The following NUP210 variants were observed in gnomAD, a reference collection of about 807,000 sequenced individuals.
NUP210 encodes the protein nuclear pore membrane glycoprotein 210.
A neutral mutation model predicts 196.0 loss-of-function variants in NUP210; 151 were observed. The ratio of observed to expected loss-of-function variants is 0.77; its 90% confidence interval spans 0.67 to 0.88. The LOEUF (loss-of-function observed/expected upper bound fraction) is 0.88. Ranked by LOEUF, NUP210 falls within the 40% of genes least tolerant of loss-of-function variation. The probability of loss-of-function intolerance (pLI) is 0.00; values close to 1 mark genes in which losing one functional copy is unlikely to be tolerated. For missense variants in NUP210, 2,314 were observed against 2,493.7 expected (o/e 0.93, Z 1.53); for synonymous variants, 1,070 against 1,052.7 (o/e 1.02, Z -0.32).
chr3:13,336,956 C>A, intron 26 of NUP210, 38 bp from the exon 27 acceptor site: 1 of 1,610,526 alleles, frequency 6.2e-7, no homozygotes, highest in Non-Finnish European at 8.5e-7. Context: ...GCAGTAGCTC[C>A]CAGCACTGGG....
chr3:13,321,721 G>A lies in NUP210; in HGVS notation c.5030C>T (p.Ser1677Phe), dbSNP rs758009395. The A allele has an allele frequency of 6.2e-7, 1 of 1,614,124 alleles. No individual in the cohort carries two copies. The change falls in exon 36 of 40, where the codon TCC (serine) becomes TTC (phenylalanine). Residue 1677 changes from serine to phenylalanine, a missense_variant. Ser to Phe is a radical substitution (Grantham distance 155). Transcript: ENST00000254508. Reference protein sequence around the residue: ...VSASLSSSHFSTEQVGAEVPF... With the variant: ...VSASLSSSHFFTEQVGAEVPF... ...CACCTCGGCCCCCACCTGCTCTGTGGAGAAGTGGCTGCTGGAGAGGGAGGC... is the reference window on the plus strand; with the variant it reads ...CACCTCGGCCCCCACCTGCTCTGTGAAGAAGTGGCTGCTGGAGAGGGAGGC...
intron 6 of NUP210, among the ~76,000 whole-genome samples, chr3:13,383,924 T>G: frequency 6.6e-6 from 1 of 152,052 alleles, no homozygotes; most frequent in East Asian, 1.9e-4. Flanking sequence ...CCCATGCAAA[T>G]GGACCACCTC....
rs554990047 is a variant in NUP210, at chr3:13,337,907, T to C, written c.3482A>G (p.Gln1161Arg). The C allele has an allele frequency of 5.0e-6, 8 of 1,612,678 alleles. No homozygotes were observed. The highest frequency in any genetic ancestry group is 6.8e-6 in the Non-Finnish European group (8 of 1,179,830). ...KVVIISQDLV[Q>R]VEVLLLRAVR... ...GGCCCTTAGCAGCAGCACCTCCACC[T>C]GCACGAGGTCCTGGGGAAACAGGGT... The change falls in exon 26 of 40, where the codon CAG becomes CGG. Residue 1161 changes from glutamine to arginine, a missense_variant. Gln to Arg is a conservative substitution (Grantham distance 43). Transcript: ENST00000254508.
chr3:13,396,994 G>A (rs915885092), intron 3 of NUP210, among the ~76,000 whole-genome samples: 1 of 152,056 alleles, frequency 6.6e-6, no homozygotes. Context: ...GCCTCCCATC[G>A]CTGCCAAGAA....
intron 26 of NUP210, chr3:13,337,172 A>C: frequency 2.5e-6 from 1 of 397,196 alleles, no homozygotes; most frequent in Non-Finnish European, 4.8e-6. Flanking sequence ...TTCCGGAAGG[A>C]GTCCCTGGAG....
In NUP210 at chr3:13,331,735, C is replaced by T. The variant is rs192217758; in HGVS notation, c.3935+558G>A. 5.3e-5 allele frequency among the ~76,000 whole-genome samples: 8 copies of T among 152,312 alleles called. No homozygotes were observed. The East Asian group carries it at 1.5e-3, about 29-fold the overall frequency. ...AGTGTCCTGTGGCCCGTGGAGTCTCCCGCTTGGCAACTGCCATTCAAATGC... is the reference window on the plus strand; with the variant it reads ...AGTGTCCTGTGGCCCGTGGAGTCTCTCGCTTGGCAACTGCCATTCAAATGC... On this transcript the variant is annotated intron_variant, in intron 29 of 39. Coordinates refer to ENST00000254508, the MANE Select transcript of NUP210 (RefSeq NM_024923.4).
At position 13,379,644 on chromosome 3, in the gene NUP210, G is replaced by A. The variant is rs1346545963; in HGVS notation, c.895C>T (p.Pro299Ser). The A allele has an allele frequency of 1.9e-6, 3 of 1,614,078 alleles. No homozygotes were observed. In the African/African-American group the frequency reaches 4.0e-5, roughly 22 times the overall value. Residue 299 changes from proline to serine, a missense_variant, in exon 7 of 40, where the codon CCG becomes TCG. Transcript: ENST00000254508. This position sits in a 1 kb window ranked among gnomAD's most constrained non-coding sequence, Gnocchi z 4.2. ...GTGTCCTGGGCCAAGACAGCCACCG[G>A]CCGGGCTGGGTCTCCTTCGGGGCCC... ...IPGPEGDPARPVAVLAQDTSM... is the reference protein window; with the variant it reads ...IPGPEGDPARSVAVLAQDTSM...
At chr3:13,392,422 C>T (rs1171107423) in intron 3 of NUP210, among the ~76,000 whole-genome samples, 6 of 152,130 alleles carry the variant, frequency 3.9e-5, no homozygotes, top group South Asian at 2.1e-4. Context: ...TACATATATG[C>T]GGGAAGATTT....
chr3:13,392,752 T>TGGA (rs1699532309), intron 3 of NUP210, among the ~76,000 whole-genome samples: 2 of 152,244 alleles, frequency 1.3e-5, no homozygotes, highest in South Asian at 4.1e-4. Flanking sequence ...AGGGTGCATA[T>TGGA]GGAGTACTGC....
At chr3:13,399,373 T>C (rs1166257006) in intron 2 of NUP210, among the ~76,000 whole-genome samples, 2 of 152,118 alleles carry the variant, frequency 1.3e-5, no homozygotes, top group African/African-American at 4.8e-5. Flanking sequence ...GTCAAACTAT[T>C]TTACAACTAA....
rs1165183353 is a variant in NUP210, at chr3:13,347,584, G to A, written c.2836-4281C>T. On this transcript the variant is annotated intron_variant, in intron 20 of 39. Coordinates refer to ENST00000254508, the MANE Select transcript of NUP210 (RefSeq NM_024923.4). The surrounding 1 kb of genome is among the most constrained non-coding windows in gnomAD (Gnocchi z 4.7). ...ACCCCTGCTGCGTGAGCCCCAGAGA[G>A]CCCCCCAGAGACACTCCAAAGCCAC... 6.6e-6 allele frequency among the ~76,000 whole-genome samples: 1 copy of A among 152,068 alleles called. No individual in the cohort carries two copies.
chr3:13,397,713 A>G (rs934985629), intron 2 of NUP210, among the ~76,000 whole-genome samples: 24 of 152,316 alleles, frequency 1.6e-4, no homozygotes, highest in African/African-American at 2.9e-4. Flanking sequence ...CTTTTCCAGC[A>G]GGGCACCAGC....
intron 21 of NUP210, among the ~76,000 whole-genome samples, chr3:13,342,713 G>C (rs1697561880): frequency 6.6e-6 from 1 of 151,154 alleles, no homozygotes; most frequent in African/African-American, 2.4e-5. Flanking sequence ...TAAAAATTCT[G>C]TATCAGTGTG....
chr3:13,323,220 G>A lies in NUP210; in HGVS notation c.4768+89C>T. ...GGAGTTGGTGTGAGTGTGAATAGGA[G>A]AAGCAGATAAACTCCATCCAGAGGA... On this transcript the variant is annotated intron_variant, in intron 34 of 39. Transcript: ENST00000254508. This position sits in a 1 kb window ranked among gnomAD's most constrained non-coding sequence, Gnocchi z 4.3. The A allele has an allele frequency of 6.5e-7, 1 of 1,527,052 alleles. No individual in the cohort carries two copies. Among genetic ancestry groups the A allele is most frequent in the Non-Finnish European group, 9.0e-7 (1 of 1,116,246 alleles). 94.6% of individuals were successfully genotyped at this position (1,527,052 alleles called of 1,614,324 possible).
At chr3:13,326,037 C>A in intron 32 of NUP210, 106 bp from the exon 33 acceptor site, 2 of 1,435,658 alleles carry the variant, frequency 1.4e-6, no homozygotes, top group Non-Finnish European at 1.9e-6. Context: ...CTGCCGCTAC[C>A]CCCATGGGGG....
chr3:13,327,156 C>T, intron 32 of NUP210, 61 bp downstream of exon 32: 1 of 1,402,648 alleles, frequency 7.1e-7, no homozygotes, highest in Non-Finnish European at 9.7e-7. Flanking sequence ...CCAGGTAGCC[C>T]CCACCCAGCT....
chr3:13,346,030 C>T lies in NUP210; in HGVS notation c.2836-2727G>A, dbSNP rs369276353. On this transcript the variant is annotated intron_variant, in intron 20 of 39. Coordinates refer to ENST00000254508, the MANE Select transcript of NUP210 (RefSeq NM_024923.4). ...AGGGCAATGCAGGGAAGGGCTTTTT[C>T]TCTTTTTTCCTCCTTTAAAAGAACC... 2.7e-4 allele frequency among the ~76,000 whole-genome samples: 41 copies of T among 152,352 alleles called. 4 individuals carry two copies. Among genetic ancestry groups the T allele is most frequent in the South Asian group, 2.1e-3 (10 of 4,832 alleles).
At chr3:13,375,159 CTTTT>C (rs1202648737) in intron 11 of NUP210, among the ~76,000 whole-genome samples, 10 of 106,760 alleles carry the variant, frequency 9.4e-5, no homozygotes, top group Admixed American at 1.8e-4. Flanking sequence ...TTTTTTTTTC[CTTTT>C]TTTGAGTAGA....
intron 35 of NUP210, 107 bp from the exon 36 acceptor site, chr3:13,321,942 C>T: frequency 1.4e-6 from 2 of 1,473,610 alleles, no homozygotes; most frequent in South Asian, 1.3e-5. Context: ...TCCTCCAAAG[C>T]CCAGGTGAGA....
Sources: allele counts gnomAD v4.1 joint callset (sites outside exome capture counted in the v4.1 genomes callset), GRCh38; gene constraint gnomAD v4.1.1; non-coding constraint Gnocchi (gnomAD v3.1); transcripts MANE v1.5; gene names NCBI Gene and HGNC (gene_info 2026-07-23, HGNC 2026-07-21).